RPS6KC1: variants seen among roughly 807,000 people sequenced by gnomAD.
RPS6KC1 encodes the protein inactive ribosomal protein S6 kinase delta-1.
A neutral mutation model predicts 103.8 loss-of-function variants in RPS6KC1; 54 were observed. The ratio of observed to expected loss-of-function variants is 0.52; its 90% CI spans 0.42 to 0.65. The LOEUF (loss-of-function observed/expected upper bound fraction) is 0.65, where lower values mean the gene tolerates loss of function less well. RPS6KC1 is among the 30% of genes least tolerant of loss of function. The pLI is 0.00. For missense variants in RPS6KC1, 1,151 were observed against 1,253.8 expected, an observed-to-expected ratio of 0.92 and a Z score of 1.24; for synonymous variants, 439 against 438.7, an observed-to-expected ratio of 1.00 and a Z score of -0.01.
At chr1:213,729,879 A>G in the RPS6KC1 span, among the ~76,000 whole-genome samples, 1 of 152,116 alleles carries the variant, frequency 6.6e-6, no homozygotes, top group Non-Finnish European at 1.5e-5. Flanking sequence ...TTGGGCATTA[A>G]ACCTACTGCC....
the RPS6KC1 span, among the ~76,000 whole-genome samples, chr1:213,359,925 A>G: frequency 6.6e-6 from 1 of 152,188 alleles, no homozygotes; most frequent in Admixed American, 6.5e-5. Context: ...CTGAGAGATC[A>G]GCTGTTAGTC....
chr1:213,712,457 G>C, the RPS6KC1 span, among the ~76,000 whole-genome samples: 2 of 152,240 alleles, frequency 1.3e-5, no homozygotes, highest in Non-Finnish European at 2.9e-5. Context: ...GGGCTCCATG[G>C]GGGTGGGATC....
At chr1:213,250,922 A>T (rs548940136) in intron 12 of RPS6KC1, among the ~76,000 whole-genome samples, 8 of 152,272 alleles carry the variant, frequency 5.3e-5, no homozygotes, top group South Asian at 2.1e-4. Context: ...GATAACATTT[A>T]AAAAATATTT....
At chr1:213,062,400 C>G (rs1028354195) in intron 1 of RPS6KC1, among the ~76,000 whole-genome samples, 1 of 152,104 alleles carries the variant, frequency 6.6e-6, no homozygotes, top group Non-Finnish European at 1.5e-5. Context: ...AATACAAAAT[C>G]TGAAACACTT....
At chr1:213,826,670 G>A in the RPS6KC1 span, among the ~76,000 whole-genome samples, 1 of 152,184 alleles carries the variant, frequency 6.6e-6, no homozygotes, top group African/African-American at 2.4e-5. Context: ...ATTATCCAGA[G>A]GTAGCCATGG....
At chr1:213,054,262 T>A (rs528863491) in intron 1 of RPS6KC1, among the ~76,000 whole-genome samples, 1 of 152,370 alleles carries the variant, frequency 6.6e-6, no homozygotes, top group Non-Finnish European at 1.5e-5. Flanking sequence ...ATGTTACATA[T>A]TGCTCTGGTT....
the RPS6KC1 span, among the ~76,000 whole-genome samples, chr1:213,300,298 G>A: frequency 6.6e-6 from 1 of 152,142 alleles, no homozygotes; most frequent in Non-Finnish European, 1.5e-5. Context: ...AGCCACACAG[G>A]TGCCTAATGG....
rs548500368 is a variant in RPS6KC1, at chr1:213,104,828, A to G, written c.378+259A>G. Among the ~76,000 whole-genome samples the G allele has an allele frequency of 2.8e-4, 43 of 151,272 alleles. 1 individual carries two copies. In the South Asian group the frequency reaches 3.8e-3, roughly 13 times the overall value. ...CCATTGACAGGTGTGATCATGGCGT[A>G]CTATAGTCTTGAGTTCCTGGGCTCA... is the stretch of plus-strand genomic sequence containing the variant. On this transcript the variant is annotated intron_variant, in intron 4 of 14. Transcript: ENST00000366960.
chr1:213,738,714 G>T, the RPS6KC1 span, among the ~76,000 whole-genome samples: 1,020 of 151,926 alleles, frequency 6.7e-3, 15 homozygotes, highest in African/African-American at 0.023. Context: ...CTAAAATAAG[G>T]CCGGGTGTGG....
At chr1:213,087,308 C>T (rs770799348) in intron 3 of RPS6KC1, among the ~76,000 whole-genome samples, 9 of 152,078 alleles carry the variant, frequency 5.9e-5, no homozygotes, top group South Asian at 2.1e-4. Context: ...TTTTATGCAG[C>T]GGCTTTACAG....
intron 4 of RPS6KC1, among the ~76,000 whole-genome samples, chr1:213,112,200 G>A (rs1322618214): frequency 6.6e-6 from 1 of 152,108 alleles, no homozygotes. Context: ...TGGAGGCATA[G>A]AACTGTTGGT....
the RPS6KC1 span, among the ~76,000 whole-genome samples, chr1:213,302,882 C>A: frequency 6.6e-6 from 1 of 152,180 alleles, no homozygotes; most frequent in Non-Finnish European, 1.5e-5. Flanking sequence ...GTATATATTT[C>A]ATCCACGGGA....
At chr1:213,240,555 T>C (rs1367183006) in intron 10 of RPS6KC1, 147 bp from the exon 11 acceptor site, 1 of 670,760 alleles carries the variant, frequency 1.5e-6, no homozygotes, top group Non-Finnish European at 2.5e-6. Flanking sequence ...TTATTAAATA[T>C]GCTTATCTTA....
At chr1:213,331,418 GT>G in the RPS6KC1 span, among the ~76,000 whole-genome samples, 1 of 152,234 alleles carries the variant, frequency 6.6e-6, no homozygotes, top group African/African-American at 2.4e-5. Flanking sequence ...GTATTGGATG[GT>G]GGGGTCAAAG....
At chr1:213,853,355 G>C in the RPS6KC1 span, among the ~76,000 whole-genome samples, 2 of 152,302 alleles carry the variant, frequency 1.3e-5, no homozygotes, top group South Asian at 4.1e-4. Context: ...AGCGCCTGAG[G>C]AATCTATAAA....
chr1:213,129,485 T>A (rs762294619), intron 5 of RPS6KC1, 42 bp from the exon 6 acceptor site: 6 of 1,524,164 alleles, frequency 3.9e-6, no homozygotes, highest in Non-Finnish European at 5.3e-6. Flanking sequence ...TTTGGCTGAT[T>A]CTCAATTTAA....
the RPS6KC1 span, among the ~76,000 whole-genome samples, chr1:213,319,746 C>T: frequency 5.3e-5 from 8 of 152,300 alleles, no homozygotes; most frequent in South Asian, 2.1e-4. Flanking sequence ...TGGAGCTATG[C>T]GTCTCCTAAT....
intron 8 of RPS6KC1, among the ~76,000 whole-genome samples, chr1:213,212,059 TTGA>T (rs1490111524): frequency 6.6e-6 from 1 of 152,140 alleles, no homozygotes; most frequent in Non-Finnish European, 1.5e-5. Flanking sequence ...TTTATTACAA[TTGA>T]TGACCTTTCA....
At chr1:213,311,016 C>G in the RPS6KC1 span, among the ~76,000 whole-genome samples, 1 of 152,124 alleles carries the variant, frequency 6.6e-6, no homozygotes, top group South Asian at 2.1e-4. Context: ...CGAAGACACT[C>G]GTTCAGAGCC....
Sources: allele counts gnomAD v4.1 joint callset (sites outside exome capture counted in the v4.1 genomes callset), GRCh38; gene constraint gnomAD v4.1.1; transcripts MANE v1.5; gene names NCBI Gene and HGNC (gene_info 2026-07-23, HGNC 2026-07-21).